SLC49A4: variants seen among roughly 807,000 people sequenced by gnomAD.
SLC49A4 encodes solute carrier family 49 member 4.
Under a neutral mutation model 50.6 loss-of-function variants are expected in SLC49A4, and 36 were observed. That is an observed-to-expected ratio of 0.71 (90% CI 0.55 to 0.94). The LOEUF (loss-of-function observed/expected upper bound fraction) is 0.94, where lower values mean the gene tolerates loss of function less well. SLC49A4 is among the 40% of genes least tolerant of loss of function. The pLI is 0.00. For missense variants in SLC49A4, 503 were observed against 605.7 expected (o/e 0.83, Z 1.78); for synonymous variants, 248 against 241.2 (o/e 1.03, Z -0.26).
chr3:122,816,048 C>T (rs1936363331), intron 2 of SLC49A4, among the ~76,000 whole-genome samples: 1 of 152,114 alleles, frequency 6.6e-6, no homozygotes, highest in Admixed American at 6.6e-5. Context: ...TGTTGAATCT[C>T]CTCTTTACTT....
At chr3:122,819,968 A>G (rs1270356454) in intron 2 of SLC49A4, among the ~76,000 whole-genome samples, 1 of 152,114 alleles carries the variant, frequency 6.6e-6, no homozygotes, top group Non-Finnish European at 1.5e-5. Context: ...AAATTACTTC[A>G]TATTAAAAAT....
chr3:122,868,587 T>C (rs1306869630), intron 7 of SLC49A4, among the ~76,000 whole-genome samples: 3 of 152,242 alleles, frequency 2.0e-5, no homozygotes, highest in Admixed American at 6.5e-5. Flanking sequence ...AGACTTGGAA[T>C]AATCAGCCTC....
intron 2 of SLC49A4, among the ~76,000 whole-genome samples, chr3:122,819,859 G>A (rs1439224048): frequency 6.6e-6 from 1 of 151,236 alleles, no homozygotes; most frequent in Non-Finnish European, 1.5e-5. Context: ...AAGAATATGA[G>A]CTAAGAGTTT....
chr3:122,807,000 T>C, intron 2 of SLC49A4, 50 bp downstream of exon 2: 1 of 1,142,432 alleles, frequency 8.8e-7, no homozygotes, highest in Non-Finnish European at 1.3e-6. Flanking sequence ...TTATTATGTG[T>C]ATAAATTTTT....
chr3:122,799,989 A>G (rs1368263538), intron 1 of SLC49A4, among the ~76,000 whole-genome samples: 1 of 152,244 alleles, frequency 6.6e-6, no homozygotes, highest in Non-Finnish European at 1.5e-5. Flanking sequence ...TTAGATACCC[A>G]AGTAGACAGA....
chr3:122,795,229 C>T lies in SLC49A4; in HGVS notation c.37C>T (p.Pro13Ser), dbSNP rs1251494672. The T allele has an allele frequency of 3.0e-6, 4 of 1,337,522 alleles. No homozygotes were observed. Among genetic ancestry groups the T allele is most frequent in the Non-Finnish European group, 3.8e-6 (4 of 1,053,474 alleles). The allele number at this position is 1,337,522 out of a possible 1,614,324, so 82.9% of individuals were successfully genotyped here. Residue 13 changes from proline (P) to serine (S), a missense_variant, in exon 1 of 9, where the codon CCG becomes TCG. Coordinates refer to ENST00000261038, the MANE Select transcript of SLC49A4 (RefSeq NM_032839.3). ...CTGGAGCAGCGAAGAGGAGAGGCAGCCGCTGCTGGGGCCCGGGCTCGGGCC... is the reference window on the plus strand; with the variant it reads ...CTGGAGCAGCGAAGAGGAGAGGCAGTCGCTGCTGGGGCCCGGGCTCGGGCC... ...SRWSSEEERQ[P>S]LLGPGLGPGL...
At chr3:122,872,266 A>G (rs1354062160) in intron 7 of SLC49A4, 149 bp from the exon 8 acceptor site, 4 of 650,300 alleles carry the variant, frequency 6.2e-6, no homozygotes, top group Middle Eastern at 3.0e-4. Context: ...GAGCTGGCAG[A>G]TGTGTGATGC....
chr3:122,816,637 T>C (rs1936371001), intron 2 of SLC49A4, among the ~76,000 whole-genome samples: 1 of 152,160 alleles, frequency 6.6e-6, no homozygotes, highest in Non-Finnish European at 1.5e-5. Context: ...TCTTTCTTAT[T>C]ATTAGTCCAG....
At chr3:122,805,914 C>T (rs937350262) in intron 1 of SLC49A4, among the ~76,000 whole-genome samples, 8 of 151,994 alleles carry the variant, frequency 5.3e-5, no homozygotes, top group African/African-American at 1.5e-4. Flanking sequence ...AGTCCTAAGC[C>T]GTGATTTTTT....
intron 5 of SLC49A4, among the ~76,000 whole-genome samples, chr3:122,855,988 T>A (rs1321485677): frequency 6.6e-6 from 1 of 152,222 alleles, no homozygotes; most frequent in Non-Finnish European, 1.5e-5. Flanking sequence ...CAGTTTCCTA[T>A]GTTGGTTATA....
chr3:122,802,200 T>G (rs1936144005), intron 1 of SLC49A4, among the ~76,000 whole-genome samples: 1 of 151,234 alleles, frequency 6.6e-6, no homozygotes, highest in South Asian at 2.1e-4. Flanking sequence ...AAAACAATGG[T>G]TTTCAAACAT....
intron 5 of SLC49A4, 36 bp from the exon 6 acceptor site, chr3:122,856,271 G>A: frequency 6.2e-7 from 1 of 1,606,742 alleles, no homozygotes; most frequent in Non-Finnish European, 8.5e-7. Context: ...CAGTATGATT[G>A]TCTTGTATTA....
chr3:122,853,200 A>T (rs937370638), intron 5 of SLC49A4, among the ~76,000 whole-genome samples: 1 of 152,144 alleles, frequency 6.6e-6, no homozygotes, highest in African/African-American at 2.4e-5. Context: ...TCATGTGGCA[A>T]AGGGGCAAGG....
chr3:122,801,790 G>A (rs1392037122), intron 1 of SLC49A4, among the ~76,000 whole-genome samples: 2 of 152,124 alleles, frequency 1.3e-5, no homozygotes, highest in African/African-American at 4.8e-5. Context: ...TTTATGAAAG[G>A]AGTAGTGTCC....
intron 2 of SLC49A4, among the ~76,000 whole-genome samples, chr3:122,818,783 A>G (rs1272737876): frequency 1.3e-5 from 2 of 151,936 alleles, no homozygotes; most frequent in Non-Finnish European, 2.9e-5. Flanking sequence ...ATCTCTACTA[A>G]AAATATAAAA....
At chr3:122,810,588 A>AT (rs1268683382) in intron 2 of SLC49A4, among the ~76,000 whole-genome samples, 1 of 152,210 alleles carries the variant, frequency 6.6e-6, no homozygotes, top group Admixed American at 6.5e-5. Flanking sequence ...ATATTTTTAA[A>AT]TTTTATTTTA....
intron 7 of SLC49A4, among the ~76,000 whole-genome samples, chr3:122,861,196 T>C (rs1937055023): frequency 6.6e-6 from 1 of 152,204 alleles, no homozygotes; most frequent in African/African-American, 2.4e-5. Flanking sequence ...CTTAGTCCCA[T>C]TTCAACCTTA....
At chr3:122,878,980 C>G (rs572885565) in intron 8 of SLC49A4, among the ~76,000 whole-genome samples, 55 of 151,816 alleles carry the variant, frequency 3.6e-4, no homozygotes, top group African/African-American at 1.3e-3. Flanking sequence ...GATTTTTTTT[C>G]TTTGAAGTAA....
chr3:122,870,729 C>T (rs1197051823), intron 7 of SLC49A4, among the ~76,000 whole-genome samples: 1 of 151,640 alleles, frequency 6.6e-6, no homozygotes, highest in African/African-American at 2.4e-5. Flanking sequence ...AGGAGAATCA[C>T]TTGAACCGGG....
Sources: allele counts gnomAD v4.1 joint callset (sites outside exome capture counted in the v4.1 genomes callset), GRCh38; gene constraint gnomAD v4.1.1; transcripts MANE v1.5; gene names NCBI Gene and HGNC (gene_info 2026-07-23, HGNC 2026-07-21).